The following ZNF143 variants were observed in gnomAD, a reference collection of about 807,000 sequenced individuals.
ZNF143 encodes the protein zinc finger protein 143, also known as SPH-binding factor.
A neutral mutation model predicts 74.1 loss-of-function variants in ZNF143; 49 were observed. The ratio of observed to expected loss-of-function variants is 0.66; its 90% CI spans 0.53 to 0.84. The LOEUF (loss-of-function observed/expected upper bound fraction) is 0.84, where lower values mean the gene tolerates loss of function less well. Ranked by LOEUF, ZNF143 falls within the 40% of genes least tolerant of loss-of-function variation. The pLI, the probability that ZNF143 is intolerant of heterozygous loss-of-function variation, is 0.00. For missense variants in ZNF143, 637 were observed against 793.4 expected (o/e 0.80, Z 2.37); for synonymous variants, 304 against 282.8 (o/e 1.07, Z -0.75).
At chr11:9,507,136 CGGTA>C (rs1848393542) in intron 11 of ZNF143, among the ~76,000 whole-genome samples, 1 of 152,156 alleles carries the variant, frequency 6.6e-6, no homozygotes, top group African/African-American at 2.4e-5. Flanking sequence ...ACTTATGTTA[CGGTA>C]CATTAGTGTG....
intron 7 of ZNF143, among the ~76,000 whole-genome samples, chr11:9,494,169 A>G (rs186143638): frequency 6.6e-6 from 1 of 152,334 alleles, no homozygotes; most frequent in Admixed American, 6.5e-5. Context: ...GACTTCAACC[A>G]TGCAATGGAA....
intron 7 of ZNF143, among the ~76,000 whole-genome samples, chr11:9,480,308 A>G (rs1211265266): frequency 1.3e-5 from 2 of 152,180 alleles, no homozygotes; most frequent in South Asian, 2.1e-4. Context: ...TGGAGCTTGT[A>G]TAATCATTGT....
intron 7 of ZNF143, among the ~76,000 whole-genome samples, chr11:9,491,732 C>T (rs566341579): frequency 7.2e-5 from 11 of 152,226 alleles, no homozygotes; most frequent in South Asian, 4.1e-4. Flanking sequence ...TGGACTCGCG[C>T]GATCCTCTCA....
At chr11:9,507,572 C>T (rs1322274875) in intron 11 of ZNF143, among the ~76,000 whole-genome samples, 1 of 152,180 alleles carries the variant, frequency 6.6e-6, no homozygotes, top group Non-Finnish European at 1.5e-5. Flanking sequence ...AAGTCAAATA[C>T]TGTGTAAATG....
intron 14 of ZNF143, among the ~76,000 whole-genome samples, chr11:9,518,837 G>A (rs1305293812): frequency 1.3e-5 from 2 of 152,184 alleles, no homozygotes; most frequent in East Asian, 3.9e-4. Flanking sequence ...GAAAGGTTTA[G>A]TAATCGTGTT....
intron 10 of ZNF143, among the ~76,000 whole-genome samples, chr11:9,499,899 G>T (rs1370084399): frequency 2.0e-5 from 3 of 152,150 alleles, no homozygotes; most frequent in Non-Finnish European, 2.9e-5. Context: ...CGTATTCCAA[G>T]ATTGTATAAA....
chr11:9,506,177 C>G (rs1241054481), intron 11 of ZNF143, among the ~76,000 whole-genome samples: 5 of 151,982 alleles, frequency 3.3e-5, no homozygotes, highest in Non-Finnish European at 5.9e-5. Flanking sequence ...CCAAAAAATA[C>G]AAAAGTTAGC....
intron 12 of ZNF143, among the ~76,000 whole-genome samples, chr11:9,509,976 G>A (rs949076408): frequency 6.6e-6 from 1 of 152,138 alleles, no homozygotes; most frequent in Non-Finnish European, 1.5e-5. Flanking sequence ...TAAATAAGAA[G>A]ATCCTACAAC....
At chr11:9,486,421 T>TATATATTATATATATAATATATA (rs1847530010) in intron 7 of ZNF143, among the ~76,000 whole-genome samples, 1 of 18,552 alleles carries the variant, frequency 5.4e-5, no homozygotes, top group African/African-American at 1.4e-4. Context: ...TAATATATAT[T>TATATATTATATATATAATATATA]ATATATATTA....
chr11:9,471,258 C>A, intron 1 of ZNF143, 44 bp from the exon 2 acceptor site: 2 of 1,454,314 alleles, frequency 1.4e-6, no homozygotes, highest in Non-Finnish European at 1.9e-6. Context: ...TTTCATTTCA[C>A]ATGTATCATT....
chr11:9,498,381 T>A (rs1848044043), intron 10 of ZNF143, among the ~76,000 whole-genome samples: 1 of 152,166 alleles, frequency 6.6e-6, no homozygotes, highest in Admixed American at 6.5e-5. Flanking sequence ...GCAACAAGTT[T>A]ATTTACCTAG....
chr11:9,504,636 T>C (rs1453679768), intron 11 of ZNF143, among the ~76,000 whole-genome samples: 1 of 125,124 alleles, frequency 8.0e-6, no homozygotes, highest in African/African-American at 2.6e-5. Flanking sequence ...AGTAAACTTG[T>C]GTTAATTCAA....
intron 1 of ZNF143, among the ~76,000 whole-genome samples, chr11:9,462,523 A>C (rs1855927319): frequency 6.6e-6 from 1 of 151,666 alleles, no homozygotes; most frequent in African/African-American, 2.4e-5. Flanking sequence ...TGATTGTGCC[A>C]CTGTACTCCC....
chr11:9,477,848 G>A (rs145106442), intron 5 of ZNF143, among the ~76,000 whole-genome samples: 313 of 152,066 alleles, frequency 2.1e-3, no homozygotes, highest in Non-Finnish European at 3.7e-3. Context: ...TTTTTTGAGA[G>A]GGACTCTGGC....
chr11:9,522,556 C>T (rs776995418), intron 14 of ZNF143, among the ~76,000 whole-genome samples: 2 of 152,190 alleles, frequency 1.3e-5, no homozygotes, highest in Non-Finnish European at 2.9e-5. Context: ...TGCAATGGCA[C>T]GCTCTCGGCT....
chr11:9,479,605 G>A, intron 7 of ZNF143, 59 bp downstream of exon 7: 1 of 1,429,914 alleles, frequency 7.0e-7, no homozygotes, highest in Non-Finnish European at 9.7e-7. Context: ...GCCCTTCTGT[G>A]GATGAAAGCA....
At chr11:9,506,755 C>T (rs1589927614) in intron 11 of ZNF143, among the ~76,000 whole-genome samples, 1 of 152,314 alleles carries the variant, frequency 6.6e-6, no homozygotes, top group East Asian at 1.9e-4. Flanking sequence ...TAACTGGTCA[C>T]AATATCCAGT....
At chr11:9,479,415 C>A in intron 6 of ZNF143, 57 bp from the exon 7 acceptor site, 1 of 1,431,360 alleles carries the variant, frequency 7.0e-7, no homozygotes, top group Non-Finnish European at 9.6e-7. Flanking sequence ...TGTACTTAAC[C>A]AGCCTAAACC....
chr11:9,509,304 A>C (rs1848462594), intron 12 of ZNF143, among the ~76,000 whole-genome samples: 1 of 152,246 alleles, frequency 6.6e-6, no homozygotes, highest in Non-Finnish European at 1.5e-5. Context: ...AGGGGCAGCC[A>C]GCCTGTTTGG....
Sources: gnomAD v4.1 joint callset for allele counts (sites outside exome capture counted in the v4.1 genomes callset) on GRCh38, gnomAD v4.1.1 for gene constraint, MANE v1.5 for transcripts, NCBI Gene and HGNC (gene_info 2026-07-23, HGNC 2026-07-21) for gene names.